SHANK2: variants seen among roughly 807,000 people sequenced by gnomAD.
The protein encoded by SHANK2 is SH3 and multiple ankyrin repeat domains protein 2.
Under a neutral mutation model 133.7 loss-of-function variants are expected in SHANK2, and 43 were observed. The observed-to-expected ratio is 0.32, with a 90% CI of 0.25 to 0.41. SHANK2 has a LOEUF of 0.41. Among genes scored for constraint, SHANK2 ranks in the 10% least tolerant of loss-of-function variants. The pLI is 1.00. For synonymous variants in SHANK2, 1,017 were observed against 952.8 expected, an observed-to-expected ratio of 1.07 and a Z score of -1.24; for missense variants, 1,994 against 2,235.8, an observed-to-expected ratio of 0.89 and a Z score of 2.18.
At chr11:70,803,630 C>T in intron 13 of SHANK2, among the ~76,000 whole-genome samples, 1 of 151,980 alleles carries the variant, frequency 6.6e-6, no homozygotes, top group Non-Finnish European at 1.5e-5. Context: ...TTAACAAACT[C>T]CTCTCATGTC....
chr11:70,689,063 C>T (rs116273768), intron 15 of SHANK2, among the ~76,000 whole-genome samples: 297 of 152,302 alleles, frequency 2.0e-3, no homozygotes, highest in African/African-American at 6.8e-3. Context: ...TGAGCTCTGC[C>T]GTGAGAGCAG....
At chr11:70,677,101 G>C (rs370554252) in intron 15 of SHANK2, among the ~76,000 whole-genome samples, 1 of 152,170 alleles carries the variant, frequency 6.6e-6, no homozygotes, top group Admixed American at 6.5e-5. Context: ...TGAAGTAAAG[G>C]GAGACAGAGT....
chr11:71,208,826 G>A (rs1293707703), intron 2 of SHANK2, among the ~76,000 whole-genome samples: 1 of 152,056 alleles, frequency 6.6e-6, no homozygotes, highest in Non-Finnish European at 1.5e-5. Flanking sequence ...TCGCATCTAA[G>A]GCACGCACAC....
intron 17 of SHANK2, among the ~76,000 whole-genome samples, chr11:70,630,608 T>G (rs555907297): frequency 2.2e-4 from 34 of 152,224 alleles, no homozygotes; most frequent in African/African-American, 8.2e-4. Context: ...GTTGGTGCCC[T>G]TATAAGGAGG....
At chr11:70,510,708 G>A (rs956015302) in intron 17 of SHANK2, among the ~76,000 whole-genome samples, 4 of 152,194 alleles carry the variant, frequency 2.6e-5, no homozygotes, top group African/African-American at 9.6e-5. Context: ...TTTAGAGGAA[G>A]TGTCTCTGCC....
chr11:70,620,022 T>A (rs1170965580), intron 17 of SHANK2, among the ~76,000 whole-genome samples: 1 of 152,162 alleles, frequency 6.6e-6, no homozygotes, highest in Non-Finnish European at 1.5e-5. Context: ...TGGAACAGAA[T>A]GTCTATCCTG....
chr11:70,563,587 A>C lies in SHANK2; in HGVS notation c.2062-60656T>G, dbSNP rs111918745. 4.1e-3 allele frequency among the ~76,000 whole-genome samples: 540 copies of C among 132,524 alleles called. 1 individual carries two copies. The highest frequency in any genetic ancestry group is 0.015 in the African/African-American group (527 of 34,634). 86.9% of individuals were successfully genotyped at this position (132,524 alleles called of 152,430 possible). A position where few individuals can be genotyped will look rare whatever the true frequency, so the allele number is the denominator to read the frequency against. ...GAGTTTTGCTTTTGTTGCCCAGGCT[A>C]GAGTGCAATGGTGTGATCTTGGCTC... On this transcript the variant is annotated intron_variant, in intron 17 of 25. Coordinates refer to ENST00000601538, the MANE Select transcript of SHANK2 (RefSeq NM_012309.5).
intron 1 of SHANK2, among the ~76,000 whole-genome samples, chr11:71,251,363 C>A (rs770031500): frequency 2.3e-3 from 355 of 152,264 alleles, no homozygotes; most frequent in Non-Finnish European, 4.3e-3. Context: ...TCCACCCCAG[C>A]CCCCGCATCC....
chr11:70,539,288 G>T (rs972689521), intron 17 of SHANK2, among the ~76,000 whole-genome samples: 1 of 152,204 alleles, frequency 6.6e-6, no homozygotes, highest in African/African-American at 2.4e-5. Flanking sequence ...GTGCCCAAAC[G>T]CAGCTGGCAG....
intron 23 of SHANK2, chr11:70,489,734 T>G (rs2058858556): frequency 6.3e-6 from 2 of 319,166 alleles, no homozygotes; most frequent in Middle Eastern, 9.5e-4. Context: ...CAAGGTCAAG[T>G]GTACCTTTGC....
At chr11:70,938,909 C>G (rs994362739) in intron 10 of SHANK2, among the ~76,000 whole-genome samples, 1 of 152,088 alleles carries the variant, frequency 6.6e-6, no homozygotes, top group Non-Finnish European at 1.5e-5. Context: ...GGGAGTGACA[C>G]GACCCCATGT....
intron 17 of SHANK2, among the ~76,000 whole-genome samples, chr11:70,612,953 G>A (rs1341441912): frequency 6.6e-6 from 1 of 152,160 alleles, no homozygotes; most frequent in Non-Finnish European, 1.5e-5. Context: ...CTCCACGTGT[G>A]AGCAACTCAC....
At chr11:70,741,323 C>T (rs1348931593) in intron 14 of SHANK2, among the ~76,000 whole-genome samples, 3 of 149,414 alleles carry the variant, frequency 2.0e-5, no homozygotes, top group African/African-American at 7.5e-5. Context: ...ATCCATGCAT[C>T]CAACTACCCA....
At position 71,093,057 on chromosome 11, in the gene SHANK2, G is replaced by GC. The variant is rs1451869944; in HGVS notation, c.745-469_745-468insG. ...AGCTCAGTCTCAAAAATAAAGGGGG[G>GC]GGGGGGCAGGTATAACTTTAGACAA... On this transcript the variant is annotated intron_variant, in intron 7 of 25. Coordinates refer to ENST00000601538, the MANE Select transcript of SHANK2 (RefSeq NM_012309.5). 4.1e-5 allele frequency among the ~76,000 whole-genome samples: 6 copies of GC among 145,470 alleles called. 1 individual carries two copies. Among genetic ancestry groups the GC allele is most frequent in the South Asian group, 4.8e-4 (2 of 4,198 alleles).
At chr11:70,868,001 G>A (rs1440581338) in intron 11 of SHANK2, among the ~76,000 whole-genome samples, 6 of 152,230 alleles carry the variant, frequency 3.9e-5, no homozygotes, top group Admixed American at 2.0e-4. Flanking sequence ...GCAAATAATT[G>A]GGTGGAATTA....
At chr11:70,930,238 G>C (rs1950484084) in intron 10 of SHANK2, among the ~76,000 whole-genome samples, 1 of 152,134 alleles carries the variant, frequency 6.6e-6, no homozygotes, top group Admixed American at 6.5e-5. Flanking sequence ...CCTGTGGAAG[G>C]AAGCATGTCC....
At chr11:70,518,440 C>A (rs767126963) in intron 17 of SHANK2, among the ~76,000 whole-genome samples, 1 of 152,220 alleles carries the variant, frequency 6.6e-6, no homozygotes, top group African/African-American at 2.4e-5. Context: ...TGAGGCACCG[C>A]GTCATGGCTC....
At chr11:70,706,313 C>T (rs1161165428) in intron 14 of SHANK2, among the ~76,000 whole-genome samples, 1 of 152,208 alleles carries the variant, frequency 6.6e-6, no homozygotes, top group Non-Finnish European at 1.5e-5. Flanking sequence ...CACTCAGTAA[C>T]TCTGGAGAAA....
chr11:70,860,950 C>T (rs1296500321), intron 11 of SHANK2, among the ~76,000 whole-genome samples: 4 of 152,220 alleles, frequency 2.6e-5, no homozygotes, highest in African/African-American at 4.8e-5. Context: ...GCAGGAGCCG[C>T]GTGCATCTCA....
Sources: gnomAD v4.1 joint callset for allele counts (sites outside exome capture counted in the v4.1 genomes callset) on GRCh38, gnomAD v4.1.1 for gene constraint, MANE v1.5 for transcripts, NCBI Gene and HGNC (gene_info 2026-07-23, HGNC 2026-07-21) for gene names.